ERBB4: variants seen among roughly 807,000 people sequenced by gnomAD.
ERBB4 encodes erb-b2 receptor tyrosine kinase 4.
Under a neutral mutation model 158.0 loss-of-function variants are expected in ERBB4, and 42 were observed. The ratio of observed to expected loss-of-function variants is 0.27; its 90% CI spans 0.21 to 0.34. The LOEUF is 0.34. Ranked by LOEUF, ERBB4 falls within the 10% of genes least tolerant of loss-of-function variation. The probability of loss-of-function intolerance (pLI) is 1.00; values close to 1 mark genes in which losing one functional copy is unlikely to be tolerated. For synonymous variants in ERBB4, 583 were observed against 558.7 expected (o/e 1.04, Z -0.61); for missense variants, 1,333 against 1,624.1 (o/e 0.82, Z 3.08).
rs1560145868 is a variant in ERBB4 at position 212,373,843 on chromosome 2, G to GTATATATCCATATA, written c.82+164605_82+164606insTATATGGATATATA. Among the ~76,000 whole-genome samples the GTATATATCCATATA allele has an allele frequency of 1.9e-3, 120 of 63,190 alleles. 7 individuals carry two copies. The highest frequency in any genetic ancestry group is 6.2e-3 in the African/African-American group (84 of 13,526). 41.5% of individuals were successfully genotyped at this position (63,190 alleles called of 152,430 possible). ...TATATCCATATATATATATATCCAT[G>GTATATATCCATATA]TATATATCCATGTATATATCCATAT... On this transcript the variant is annotated intron_variant, in intron 1 of 27. Coordinates refer to ENST00000342788, the MANE Select transcript of ERBB4 (RefSeq NM_005235.3).
At chr2:212,461,763 C>T (rs769444593) in intron 1 of ERBB4, among the ~76,000 whole-genome samples, 1 of 152,106 alleles carries the variant, frequency 6.6e-6, no homozygotes, top group Non-Finnish European at 1.5e-5. Flanking sequence ...ATCTTGAATT[C>T]CCACATGTTG....
chr2:212,536,041 T>G (rs549249095), intron 1 of ERBB4, among the ~76,000 whole-genome samples: 67 of 152,320 alleles, frequency 4.4e-4, no homozygotes, highest in African/African-American at 1.6e-3. Context: ...TAAAAGCAAT[T>G]CACTCAACAT....
intron 16 of ERBB4, among the ~76,000 whole-genome samples, chr2:211,657,117 C>T (rs918098699): frequency 1.3e-5 from 2 of 152,066 alleles, no homozygotes; most frequent in African/African-American, 4.8e-5. Flanking sequence ...AAATTCCTTA[C>T]TTATAAATAT....
intron 2 of ERBB4, among the ~76,000 whole-genome samples, chr2:211,994,456 T>A (rs1427545017): frequency 6.6e-6 from 1 of 152,198 alleles, no homozygotes; most frequent in Non-Finnish European, 1.5e-5. Context: ...ATAACTTACA[T>A]TATGTCCATT....
At chr2:212,131,473 C>T (rs1423078479) in intron 1 of ERBB4, among the ~76,000 whole-genome samples, 2 of 152,118 alleles carry the variant, frequency 1.3e-5, no homozygotes, top group Admixed American at 1.3e-4. Flanking sequence ...AAATAAGTAC[C>T]GGGTTTCCAA....
chr2:211,903,415 A>G (rs2079292079), intron 3 of ERBB4, among the ~76,000 whole-genome samples: 1 of 152,086 alleles, frequency 6.6e-6, no homozygotes, highest in Non-Finnish European at 1.5e-5. Flanking sequence ...GAAACATCTA[A>G]GCAAAATATG....
intron 3 of ERBB4, among the ~76,000 whole-genome samples, chr2:211,896,968 T>C (rs1462514976): frequency 6.6e-6 from 1 of 151,726 alleles, no homozygotes; most frequent in Non-Finnish European, 1.5e-5. Context: ...AATACAACTT[T>C]GGGGAAGTGA....
intron 1 of ERBB4, among the ~76,000 whole-genome samples, chr2:212,233,944 T>C (rs1024254238): frequency 1.3e-5 from 2 of 148,700 alleles, no homozygotes; most frequent in Non-Finnish European, 3.0e-5. Flanking sequence ...GATGTTTTTG[T>C]ATATGTCTCT....
At chr2:212,406,770 T>C (rs2091356609) in intron 1 of ERBB4, among the ~76,000 whole-genome samples, 1 of 152,116 alleles carries the variant, frequency 6.6e-6, no homozygotes, top group Admixed American at 6.6e-5. Flanking sequence ...ACTTGCATTA[T>C]GAGTCCTTCA....
chr2:211,818,803 A>T (rs2076930868), intron 3 of ERBB4, among the ~76,000 whole-genome samples: 1 of 152,098 alleles, frequency 6.6e-6, no homozygotes, highest in Admixed American at 6.6e-5. Flanking sequence ...GAGGAATGAT[A>T]TAGTCAGTTC....
intron 3 of ERBB4, among the ~76,000 whole-genome samples, chr2:211,905,727 TGTGTGTGC>T (rs2079370865): frequency 1.1e-5 from 1 of 91,456 alleles, no homozygotes; most frequent in African/African-American, 3.9e-5. Flanking sequence ...TGTGTGTGTA[TGTGTGTGC>T]ATGTGTGTGT....
chr2:212,194,032 CT>C (rs1221013443), intron 1 of ERBB4, among the ~76,000 whole-genome samples: 13 of 151,928 alleles, frequency 8.6e-5, no homozygotes, highest in Admixed American at 2.6e-4. Flanking sequence ...ATAAAAAGGA[CT>C]TTAAAGGTGC....
intron 20 of ERBB4, among the ~76,000 whole-genome samples, chr2:211,494,095 T>C (rs557079302): frequency 1.3e-5 from 2 of 152,220 alleles, no homozygotes; most frequent in East Asian, 3.9e-4. Context: ...CTCTGCCTCC[T>C]GGGTTCAAAC....
chr2:212,011,622 T>C (rs1363622966), intron 2 of ERBB4, among the ~76,000 whole-genome samples: 2 of 151,906 alleles, frequency 1.3e-5, no homozygotes, highest in Non-Finnish European at 2.9e-5. Context: ...TGGTGGTACA[T>C]GTCTGTAATC....
intron 2 of ERBB4, among the ~76,000 whole-genome samples, chr2:212,089,704 G>A (rs1399506137): frequency 2.6e-5 from 4 of 152,154 alleles, no homozygotes; most frequent in Admixed American, 2.6e-4. Context: ...CTGGTGACAT[G>A]CTTCCTATAC....
rs1491199974 is a variant in ERBB4, at chr2:212,446,578, C to CATATATATATATATATATATAT, written c.82+91870_82+91871insATATATATATATATATATATAT. Among the ~76,000 whole-genome samples the CATATATATATATATATATATAT allele has an allele frequency of 3.5e-5, 2 of 57,210 alleles. 1 individual carries two copies. The highest frequency in any genetic ancestry group is 1.2e-4 in the African/African-American group (2 of 16,338). 37.5% of individuals were successfully genotyped at this position (57,210 alleles called of 152,430 possible). On this transcript the variant is annotated intron_variant, in intron 1 of 27. Coordinates refer to ENST00000342788, the MANE Select transcript of ERBB4 (RefSeq NM_005235.3). ...TGTAAGTTAATACTTAATAAACTCC[C>CATATATATATATATATATATAT]ATATATATATATGTATATATATATA... is the stretch of plus-strand genomic sequence containing the variant.
chr2:211,585,339 G>A (rs745458809), intron 19 of ERBB4, among the ~76,000 whole-genome samples: 99 of 111,800 alleles, frequency 8.9e-4, no homozygotes, highest in South Asian at 2.6e-3. Flanking sequence ...GCGAGAGAGC[G>A]AGACTCCGTC....
intron 3 of ERBB4, among the ~76,000 whole-genome samples, chr2:211,934,097 C>T (rs1258835877): frequency 6.6e-6 from 1 of 151,746 alleles, no homozygotes; most frequent in African/African-American, 2.4e-5. Flanking sequence ...AAAGTAACCC[C>T]GAATATGTTA....
chr2:212,040,651 G>T (rs1252202808), intron 2 of ERBB4, among the ~76,000 whole-genome samples: 8 of 151,978 alleles, frequency 5.3e-5, no homozygotes, highest in Admixed American at 6.6e-5. Flanking sequence ...GGTAGCTCCG[G>T]TAAGTGTTTA....
Sources: allele counts gnomAD v4.1 joint callset (sites outside exome capture counted in the v4.1 genomes callset), GRCh38; gene constraint gnomAD v4.1.1; transcripts MANE v1.5; gene names NCBI Gene and HGNC (gene_info 2026-07-23, HGNC 2026-07-21).